The following MPDZ variants were observed in gnomAD, a reference collection of about 807,000 sequenced individuals.
The protein encoded by MPDZ is multiple PDZ domain protein.
MPDZ carries 234 observed loss-of-function variants against 239.1 expected under a neutral mutation model. The ratio of observed to expected loss-of-function variants is 0.98; its 90% CI spans 0.88 to 1.09. MPDZ has a LOEUF of 1.09. Among genes scored for constraint, MPDZ ranks in the 50% least tolerant of loss-of-function variants. The pLI is 0.00. For missense variants in MPDZ, 3,175 were observed against 2,510.0 expected, an observed-to-expected ratio of 1.26 and a Z score of -5.66; for synonymous variants, 1,048 against 881.3, an observed-to-expected ratio of 1.19 and a Z score of -3.35.
intron 3 of MPDZ, among the ~76,000 whole-genome samples, chr9:13,241,934 G>A (rs943433252): frequency 6.6e-6 from 1 of 152,034 alleles, no homozygotes; most frequent in African/African-American, 2.4e-5. Flanking sequence ...CTGAACCTCT[G>A]AAGTACACAT....
intron 3 of MPDZ, among the ~76,000 whole-genome samples, chr9:13,232,555 C>T (rs1402302014): frequency 6.6e-6 from 1 of 151,382 alleles, no homozygotes; most frequent in East Asian, 1.9e-4. Context: ...AAAGGTAAAA[C>T]TTTAATAAAG....
intron 21 of MPDZ, 22 bp from the exon 22 acceptor site, chr9:13,168,586 A>T: frequency 7.1e-7 from 1 of 1,408,732 alleles, no homozygotes. Context: ...GAGAAATGCA[A>T]ATATAATTAA....
chr9:13,248,285 T>C (rs1966880370), intron 2 of MPDZ, among the ~76,000 whole-genome samples: 1 of 146,828 alleles, frequency 6.8e-6, no homozygotes, highest in East Asian at 2.0e-4. Flanking sequence ...AGTACAAAAA[T>C]ACAAAACTGA....
At chr9:13,127,705 G>A (rs1357056712) in intron 32 of MPDZ, among the ~76,000 whole-genome samples, 1 of 152,134 alleles carries the variant, frequency 6.6e-6, no homozygotes, top group East Asian at 1.9e-4. Context: ...TTCTGAGGTA[G>A]ATTATTAATG....
chr9:13,114,053 T>A, intron 40 of MPDZ, 32 bp from the exon 41 acceptor site: 3 of 1,521,210 alleles, frequency 2.0e-6, no homozygotes, highest in Non-Finnish European at 2.7e-6. Flanking sequence ...TTCAGAAGGT[T>A]TTGCAAGTAA....
At chr9:13,240,366 A>T (rs984852771) in intron 3 of MPDZ, among the ~76,000 whole-genome samples, 3 of 151,920 alleles carry the variant, frequency 2.0e-5, no homozygotes, top group African/African-American at 7.2e-5. Flanking sequence ...ATATAACCAG[A>T]ATGAAGTACT....
Position 13,138,074 on chromosome 9 carries a change from G to A in MPDZ, c.4083C>T (p.Gly1361=). ...GGTCTTTGTTCCCAGCAAGACTTAG[G>A]CCCAAACCACTATGACCTTTCTCCA... ...IELEKGHSGL[G]LSLAGNKDRS... The change falls in exon 29 of 47, where the codon GGC becomes GGT. Residue 1361 remains glycine, a synonymous_variant. Coordinates refer to ENST00000319217, the MANE Select transcript of MPDZ (RefSeq NM_001378778.1). The A allele has an allele frequency of 6.2e-7, 1 of 1,613,672 alleles. No individual in the cohort carries two copies. The highest frequency in any genetic ancestry group is 8.5e-7 in the Non-Finnish European group (1 of 1,179,730).
intron 12 of MPDZ, among the ~76,000 whole-genome samples, chr9:13,199,306 T>C (rs10809914): frequency 1 from 151,585 of 152,142 alleles, 75,516 homozygotes; most frequent in Middle Eastern, 1. Context: ...ATTTCTTTTT[T>C]GGATTATTTG....
chr9:13,121,018 T>C (rs1417476868), intron 38 of MPDZ, among the ~76,000 whole-genome samples: 1 of 152,238 alleles, frequency 6.6e-6, no homozygotes, highest in East Asian at 1.9e-4. Context: ...CTGGATTATT[T>C]GTTAATATCA....
At chr9:13,141,844 G>A (rs574744531) in intron 27 of MPDZ, among the ~76,000 whole-genome samples, 1 of 152,232 alleles carries the variant, frequency 6.6e-6, no homozygotes, top group South Asian at 2.1e-4. Context: ...CTGCTATATT[G>A]AAATGTTCAG....
At position 13,222,277 on chromosome 9, in the gene MPDZ, G is replaced by C; in HGVS notation, c.703C>G (p.Arg235Gly). ...ATTGTGCTGGCTGCAGATGGAGAACGGGAAACTATGGGGCTGACAAGCTGA... is the reference window on the plus strand; with the variant it reads ...ATTGTGCTGGCTGCAGATGGAGAACCGGAAACTATGGGGCTGACAAGCTGA... ...LPQLVSPIVS[R>G]SPSAASTISA... Residue 235 changes from arginine (R) to glycine (G), a missense_variant, in exon 6 of 47, where the codon CGT (arginine) becomes GGT (glycine). By Grantham distance (125) the Arg-to-Gly change is moderately radical. Coordinates refer to ENST00000319217, the MANE Select transcript of MPDZ (RefSeq NM_001378778.1). 6.2e-7 allele frequency: 1 copy of C among 1,612,782 alleles called. No individual in the cohort carries two copies. The highest frequency in any genetic ancestry group is 1.1e-5 in the South Asian group (1 of 91,028).
chr9:13,132,249 T>C (rs145535980), intron 32 of MPDZ, among the ~76,000 whole-genome samples: 2 of 152,268 alleles, frequency 1.3e-5, no homozygotes, highest in Non-Finnish European at 2.9e-5. Context: ...GCTCATTAGC[T>C]CATCCAATCC....
chr9:13,162,736 G>C lies in MPDZ; in HGVS notation c.3314C>G (p.Ser1105Cys), dbSNP rs143298483. The C allele has an allele frequency of 4.4e-4, 704 of 1,611,480 alleles. 2 individuals carry two copies. In the African/African-American group the frequency reaches 8.0e-3, roughly 18 times the overall value. Residue 1105 changes from serine to cysteine, a missense_variant, in exon 23 of 47, where the codon TCT (serine) becomes TGT (cysteine). Coordinates refer to ENST00000319217, the MANE Select transcript of MPDZ (RefSeq NM_001378778.1). Reference sequence around the variant, plus strand: ...AATATCCAGTGCCATTACTCTTCCAGATTGTTGTCCCAAGCTTATTTTGAA... The same window carrying C: ...AATATCCAGTGCCATTACTCTTCCACATTGTTGTCCCAAGCTTATTTTGAA... ...EEFKISLGQQ[S>C]GRVMALDIFS...
At chr9:13,236,191 GTA>G (rs963300467) in intron 3 of MPDZ, among the ~76,000 whole-genome samples, 74 of 91,800 alleles carry the variant, frequency 8.1e-4, no homozygotes, top group Non-Finnish European at 5.6e-4. Context: ...GTGTGTTTCT[GTA>G]TATATGTGTG....
chr9:13,247,585 C>A, intron 3 of MPDZ, 50 bp downstream of exon 3: 1 of 1,545,928 alleles, frequency 6.5e-7, no homozygotes, highest in South Asian at 1.2e-5. Context: ...AAGCCTTTCA[C>A]AAGATCTATG....
At chr9:13,152,223 C>T (rs1014019789) in intron 24 of MPDZ, among the ~76,000 whole-genome samples, 1 of 152,108 alleles carries the variant, frequency 6.6e-6, no homozygotes, top group African/African-American at 2.4e-5. Flanking sequence ...ACAGTCAAGA[C>T]ATGAAGAGCA....
chr9:13,204,830 C>T (rs1022534259), intron 12 of MPDZ, among the ~76,000 whole-genome samples: 22 of 152,108 alleles, frequency 1.4e-4, no homozygotes, highest in African/African-American at 5.1e-4. Flanking sequence ...GAACGATAAA[C>T]AAAAGTATAA....
Position 13,125,726 on chromosome 9 carries a change from AT to A in MPDZ, c.4633-337del, listed in dbSNP as rs1428682744. On this transcript the variant is annotated intron_variant, in intron 34 of 46. Coordinates refer to ENST00000319217, the MANE Select transcript of MPDZ (RefSeq NM_001378778.1). ...TACAACCTTAGAAGATATATGGGTT[AT>A]TTTACCTACTTCCTGATTCTATAGA... Among the ~76,000 whole-genome samples the A allele has an allele frequency of 2.6e-5, 4 of 152,158 alleles. No homozygotes were observed. In the South Asian group the frequency reaches 6.2e-4, roughly 24 times the overall value.
intron 24 of MPDZ, among the ~76,000 whole-genome samples, chr9:13,154,643 T>C (rs1680615316): frequency 6.6e-6 from 1 of 152,152 alleles, no homozygotes. Flanking sequence ...GATAAATCTT[T>C]TATTACTAGT....
Sources: gnomAD v4.1 joint callset for allele counts (sites outside exome capture counted in the v4.1 genomes callset) on GRCh38, gnomAD v4.1.1 for gene constraint, MANE v1.5 for transcripts, NCBI Gene and HGNC (gene_info 2026-07-23, HGNC 2026-07-21) for gene names.